The following ULK4 variants were observed in gnomAD, a reference collection of about 807,000 sequenced individuals.
ULK4 encodes unc-51 like kinase 4, also known as inactive serine/threonine-protein kinase ULK4.
Under a neutral mutation model 160.6 loss-of-function variants are expected in ULK4, and 133 were observed. That is an observed-to-expected ratio of 0.83 (90% CI 0.72 to 0.96). ULK4 has a LOEUF of 0.96. ULK4 is among the 40% of genes least tolerant of loss of function. ULK4 has a pLI of 0.00. For missense variants in ULK4, 1,580 were observed against 1,499.5 expected (o/e 1.05, Z -0.89); for synonymous variants, 534 against 539.8 (o/e 0.99, Z 0.15).
intron 29 of ULK4, among the ~76,000 whole-genome samples, chr3:41,675,346 T>C (rs778896893): frequency 6.6e-6 from 1 of 151,508 alleles, no homozygotes; most frequent in Non-Finnish European, 1.5e-5. Context: ...TCCCAGCACT[T>C]TAGAAGGCAG....
At chr3:41,868,164 T>A (rs1433668867) in intron 17 of ULK4, among the ~76,000 whole-genome samples, 1 of 152,214 alleles carries the variant, frequency 6.6e-6, no homozygotes, top group Admixed American at 6.5e-5. Context: ...TGTTCTCACA[T>A]AATTTTTATC....
At chr3:41,438,410 T>C (rs993677369) in intron 34 of ULK4, among the ~76,000 whole-genome samples, 4 of 152,184 alleles carry the variant, frequency 2.6e-5, no homozygotes, top group African/African-American at 9.6e-5. Flanking sequence ...TACAAGCATG[T>C]GACCTTCCAG....
chr3:41,721,754 T>C (rs1429260700), intron 22 of ULK4, among the ~76,000 whole-genome samples: 1 of 151,948 alleles, frequency 6.6e-6, no homozygotes, highest in Non-Finnish European at 1.5e-5. Context: ...TTTCCCAGGA[T>C]ACCCTACCAA....
At chr3:41,694,294 G>A (rs1282805608) in intron 27 of ULK4, among the ~76,000 whole-genome samples, 1 of 152,206 alleles carries the variant, frequency 6.6e-6, no homozygotes, top group Non-Finnish European at 1.5e-5. Context: ...CCGTCCCTCA[G>A]TATCCACAGG....
intron 31 of ULK4, among the ~76,000 whole-genome samples, chr3:41,602,154 C>G (rs2032107257): frequency 6.6e-6 from 1 of 151,434 alleles, no homozygotes; most frequent in Non-Finnish European, 1.5e-5. Flanking sequence ...TATGATCATG[C>G]TGCACCTAAA....
intron 30 of ULK4, among the ~76,000 whole-genome samples, chr3:41,645,888 C>T (rs531572611): frequency 2.6e-5 from 4 of 152,302 alleles, no homozygotes; most frequent in African/African-American, 9.6e-5. Context: ...TTATTAGGTG[C>T]ATATATATTT....
rs57224854 is a variant in ULK4, at chr3:41,412,553, A to ATTTTTTTTTT, written c.3493-14299_3493-14290dup. On this transcript the variant is annotated intron_variant, in intron 34 of 36. Coordinates refer to ENST00000301831, the MANE Select transcript of ULK4 (RefSeq NM_017886.4). ...TAAAGGTCAATGGCAATGCAGTTGAATTTTTTTTTTTTTTTTTTTTTTTTT... is the reference window on the plus strand; with the variant it reads ...TAAAGGTCAATGGCAATGCAGTTGAATTTTTTTTTTTTTTTTTTTTTTTTTTTTTTTTTTT... Among the ~76,000 whole-genome samples, 239 of 100,400 alleles carry ATTTTTTTTTT rather than the reference A, an allele frequency of 2.4e-3. 22 individuals are homozygous for ATTTTTTTTTT. Among genetic ancestry groups the ATTTTTTTTTT allele is most frequent in the African/African-American group, 9.4e-3 (225 of 24,062 alleles). 65.9% of individuals were successfully genotyped at this position (100,400 alleles called of 152,430 possible).
chr3:41,385,067 A>G (rs1412414014), intron 35 of ULK4, among the ~76,000 whole-genome samples: 1 of 152,132 alleles, frequency 6.6e-6, no homozygotes, highest in Non-Finnish European at 1.5e-5. Context: ...ATAAAAAAAA[A>G]AGTATTAAGT....
chr3:41,729,396 A>G lies in ULK4; in HGVS notation c.2322-11535T>C, dbSNP rs567235819. Among the ~76,000 whole-genome samples the G allele has an allele frequency of 3.9e-5, 6 of 152,222 alleles. No individual in the cohort carries two copies. The South Asian group carries it at 1.0e-3, about 26-fold the overall frequency. On this transcript the variant is annotated intron_variant, in intron 22 of 36. Coordinates refer to ENST00000301831, the MANE Select transcript of ULK4 (RefSeq NM_017886.4). Reference sequence around the variant, plus strand: ...CGTGGCTGCACTGTGCCAGAGAAGAAGCCGACATTGTGTCCTATTTTCCCC... The same window carrying G: ...CGTGGCTGCACTGTGCCAGAGAAGAGGCCGACATTGTGTCCTATTTTCCCC...
At chr3:41,918,360 G>A (rs1575947381) in intron 7 of ULK4, 97 bp downstream of exon 7, 1 of 705,808 alleles carries the variant, frequency 1.4e-6, no homozygotes, top group East Asian at 3.1e-5. Context: ...AGATAACTTT[G>A]GGGAGTTATG....
intron 27 of ULK4, among the ~76,000 whole-genome samples, chr3:41,690,933 C>T (rs1463603031): frequency 1.3e-5 from 2 of 151,782 alleles, no homozygotes; most frequent in African/African-American, 2.4e-5. Flanking sequence ...CACCCCACCC[C>T]AACCAGGAAC....
At chr3:41,602,635 T>A (rs1173557087) in intron 31 of ULK4, among the ~76,000 whole-genome samples, 2 of 152,240 alleles carry the variant, frequency 1.3e-5, no homozygotes, top group East Asian at 3.9e-4. Context: ...TATATAAAAA[T>A]TTTTAATAGC....
At chr3:41,740,566 C>T (rs777160139) in intron 22 of ULK4, among the ~76,000 whole-genome samples, 2 of 151,930 alleles carry the variant, frequency 1.3e-5, no homozygotes, top group Non-Finnish European at 2.9e-5. Context: ...CTCAATTTCA[C>T]CACCTGTCTC....
chr3:41,856,535 A>ATATATG (rs2042346468), intron 17 of ULK4, among the ~76,000 whole-genome samples: 1 of 105,652 alleles, frequency 9.5e-6, no homozygotes, highest in African/African-American at 5.0e-5. Flanking sequence ...ATATATATGT[A>ATATATG]TGTATATATA....
chr3:41,659,170 G>C (rs2035053478), intron 30 of ULK4, among the ~76,000 whole-genome samples: 1 of 152,114 alleles, frequency 6.6e-6, no homozygotes, highest in Admixed American at 6.5e-5. Context: ...AATGTAAATT[G>C]GTACAACCCA....
At chr3:41,364,571 C>A (rs1199206086) in intron 35 of ULK4, among the ~76,000 whole-genome samples, 2 of 151,996 alleles carry the variant, frequency 1.3e-5, no homozygotes, top group African/African-American at 2.4e-5. Flanking sequence ...TTTGTGAATT[C>A]TTTACTAGAT....
chr3:41,628,622 G>A (rs1331497834), intron 30 of ULK4, among the ~76,000 whole-genome samples: 1 of 152,198 alleles, frequency 6.6e-6, no homozygotes, highest in Non-Finnish European at 1.5e-5. Context: ...TAAGGAGACA[G>A]AGAAACAAAT....
intron 32 of ULK4, among the ~76,000 whole-genome samples, chr3:41,471,712 GA>G (rs2083995921): frequency 6.6e-6 from 1 of 151,906 alleles, no homozygotes; most frequent in Non-Finnish European, 1.5e-5. Flanking sequence ...AGTAATTTTG[GA>G]AAATTGACAA....
chr3:41,608,938 C>T (rs1042664304), intron 31 of ULK4, among the ~76,000 whole-genome samples: 1 of 152,176 alleles, frequency 6.6e-6, no homozygotes, highest in African/African-American at 2.4e-5. Flanking sequence ...CTACTTCTCT[C>T]CTGTGTTTTT....
Sources: allele counts gnomAD v4.1 joint callset (sites outside exome capture counted in the v4.1 genomes callset), GRCh38; gene constraint gnomAD v4.1.1; transcripts MANE v1.5; gene names NCBI Gene and HGNC (gene_info 2026-07-23, HGNC 2026-07-21).